Variants in TEX11 observed in about 807,000 individuals in gnomAD.
TEX11 encodes the protein testis expressed 11, also known as testis-expressed protein 11.
TEX11 carries 7 observed loss-of-function variants against 84.4 expected under a neutral mutation model. The observed-to-expected ratio is 0.08, with a 90% CI of 0.05 to 0.16. The LOEUF is 0.16. TEX11 is among the 10% of genes least tolerant of loss of function. TEX11 has a pLI of 1.00. For synonymous variants in TEX11, 264 were observed against 222.8 expected (o/e 1.18, Z -1.64); for missense variants, 551 against 660.5 (o/e 0.83, Z 1.82).
intron 9 of TEX11, among the ~76,000 whole-genome samples, chrX:70,798,367 T>A (rs1156458278): frequency 9.0e-6 from 1 of 111,510 alleles, no homozygotes; most frequent in Non-Finnish European, 1.9e-5. Flanking sequence ...ACAGATATCC[T>A]GTGTTCATAG....
Position 70,740,814 on chromosome X carries a change from A to G in TEX11, c.748-18T>C. The G allele has an allele frequency of 9.2e-7, 1 of 1,085,965 alleles. No homozygotes were observed. The highest frequency in any genetic ancestry group is 1.2e-6 in the Non-Finnish European group (1 of 801,860). The allele number at this position is 1,085,965 out of a possible 1,213,427, so 89.5% of individuals were successfully genotyped here. On this transcript the variant is annotated intron_variant, in intron 10 of 29. Coordinates refer to ENST00000374333, the MANE Select transcript of TEX11 (RefSeq NM_031276.3). ...ACTTTAGCCTGTAAGAAAAAAAAAA[A>G]GAAAAAAAGCACATATCTGATGGTT...
intron 16 of TEX11, among the ~76,000 whole-genome samples, chrX:70,667,788 G>A (rs988624913): frequency 3.6e-5 from 4 of 111,073 alleles, no homozygotes; most frequent in African/African-American, 6.5e-5. Context: ...TTACCCAGGC[G>A]TGGTGGCCCA....
chrX:70,690,991 A>T (rs1188051499), intron 13 of TEX11, among the ~76,000 whole-genome samples: 1 of 112,168 alleles, frequency 8.9e-6, no homozygotes, highest in African/African-American at 3.2e-5. Context: ...TCAAGGGGAA[A>T]AAAATCAAAC....
rs773781958 is a variant in TEX11 at position 70,538,620 on chromosome X, T to C, written c.2521-8621A>G. 1.6e-3 allele frequency among the ~76,000 whole-genome samples: 173 copies of C among 110,486 alleles called. 1 individual carries two copies. Among genetic ancestry groups the C allele is most frequent in the African/African-American group, 5.6e-3 (171 of 30,421 alleles). On this transcript the variant is annotated intron_variant, in intron 28 of 29. Transcript: ENST00000374333. ...GCCTGGGCAACATAGTAAGACCTCC[T>C]CTCAATTAAAAAAATTTTATTAAAA...
At chrX:70,897,698 AGAAAG>A (rs2091780260) in intron 2 of TEX11, 1 of 85,344 alleles carries the variant, frequency 1.2e-5, no homozygotes, top group African/African-American at 4.1e-5. Flanking sequence ...AAAGAAAGAA[AGAAAG>A]AAAGAAAGAA....
intron 11 of TEX11, among the ~76,000 whole-genome samples, chrX:70,730,077 G>A (rs2090633622): frequency 9.0e-6 from 1 of 111,616 alleles, no homozygotes; most frequent in Admixed American, 9.6e-5. Context: ...AAGTGAAGGA[G>A]AAATAAAATC....
intron 13 of TEX11, among the ~76,000 whole-genome samples, chrX:70,699,145 G>A (rs755626488): frequency 9.0e-6 from 1 of 111,682 alleles, no homozygotes; most frequent in Non-Finnish European, 1.9e-5. Flanking sequence ...CATGAAGAAA[G>A]AGACAGAGAT....
intron 9 of TEX11, among the ~76,000 whole-genome samples, chrX:70,789,777 T>G (rs775570885): frequency 8.9e-6 from 1 of 112,125 alleles, no homozygotes; most frequent in East Asian, 2.8e-4. Flanking sequence ...ATGCAGCTTT[T>G]GGGTATTTAC....
At chrX:70,708,250 A>T (rs1298928377) in intron 13 of TEX11, among the ~76,000 whole-genome samples, 2 of 111,880 alleles carry the variant, frequency 1.8e-5, no homozygotes, top group Non-Finnish European at 3.8e-5. Flanking sequence ...ACAATGAGAT[A>T]CTATCTCACA....
intron 11 of TEX11, among the ~76,000 whole-genome samples, chrX:70,735,865 A>C (rs1359590262): frequency 2.7e-5 from 3 of 112,052 alleles, no homozygotes; most frequent in African/African-American, 9.7e-5. Context: ...AATGATATTG[A>C]GTATCTTTTT....
At position 70,691,390 on chromosome X, in the gene TEX11, T is replaced by C. The variant is rs6624490; in HGVS notation, c.1005-8565A>G. Among the ~76,000 whole-genome samples the C allele has an allele frequency of 5.6e-3, 632 of 112,043 alleles. 12 individuals are homozygous for C. The East Asian group carries it at 0.071, about 13-fold the overall frequency. ...TCATATTCATAGCATTATTCACATG[T>C]GCTAAAATGTGGAAGTAACCCAAGT... On this transcript the variant is annotated intron_variant, in intron 13 of 29. Coordinates refer to ENST00000374333, the MANE Select transcript of TEX11 (RefSeq NM_031276.3).
At chrX:70,786,578 G>A (rs371809130) in intron 9 of TEX11, among the ~76,000 whole-genome samples, 221 of 111,455 alleles carry the variant, frequency 2.0e-3, no homozygotes, top group African/African-American at 6.9e-3. Context: ...CAAGATTAGC[G>A]TTACCCTGAT....
At chrX:70,839,433 T>C (rs1248628088) in intron 7 of TEX11, among the ~76,000 whole-genome samples, 1 of 111,948 alleles carries the variant, frequency 8.9e-6, no homozygotes, top group Non-Finnish European at 1.9e-5. Context: ...GAGGGCCCTG[T>C]CTGTTAGAAG....
chrX:70,519,368 ATGAAGC>A, the TEX11 span, among the ~76,000 whole-genome samples: 3 of 111,919 alleles, frequency 2.7e-5, no homozygotes, highest in Admixed American at 9.5e-5. Flanking sequence ...TCTTTCACTT[ATGAAGC>A]TTAGTTTGGC....
chrX:70,767,600 T>C (rs1262730638), intron 9 of TEX11, among the ~76,000 whole-genome samples: 3 of 111,744 alleles, frequency 2.7e-5, no homozygotes, highest in Non-Finnish European at 5.6e-5. Flanking sequence ...AGCTACCATA[T>C]GATCCAGCAA....
At chrX:70,885,049 G>A (rs1345744884) in intron 2 of TEX11, among the ~76,000 whole-genome samples, 4 of 110,901 alleles carry the variant, frequency 3.6e-5, no homozygotes, top group Admixed American at 9.7e-5. Flanking sequence ...GCTTGAGCTG[G>A]TACATGCCAT....
At chrX:70,815,869 CT>C (rs2091283642) in intron 8 of TEX11, among the ~76,000 whole-genome samples, 2 of 111,897 alleles carry the variant, frequency 1.8e-5, no homozygotes, top group South Asian at 7.4e-4. Flanking sequence ...TTTTTTAGGA[CT>C]TCACAAAATC....
At chrX:70,615,699 G>A (rs890978772) in intron 20 of TEX11, among the ~76,000 whole-genome samples, 2 of 111,816 alleles carry the variant, frequency 1.8e-5, no homozygotes, top group Non-Finnish European at 3.8e-5. Flanking sequence ...AGAACACCAA[G>A]TAGATTTAAC....
At chrX:70,655,876 A>G (rs2089859964) in intron 16 of TEX11, among the ~76,000 whole-genome samples, 1 of 111,566 alleles carries the variant, frequency 9.0e-6, no homozygotes, top group Admixed American at 9.6e-5. Context: ...AAAAAACCCT[A>G]AAGCAAACAT....
Sources: gnomAD v4.1 joint callset for allele counts (sites outside exome capture counted in the v4.1 genomes callset) on GRCh38, gnomAD v4.1.1 for gene constraint, MANE v1.5 for transcripts, NCBI Gene and HGNC (gene_info 2026-07-23, HGNC 2026-07-21) for gene names.